DNAH5: variants seen among roughly 807,000 people sequenced by gnomAD.
The protein encoded by DNAH5 is axonemal beta dynein heavy chain 5.
A neutral mutation model predicts 518.2 loss-of-function variants in DNAH5; 372 were observed. That is an observed-to-expected ratio of 0.72 (90% CI 0.66 to 0.78). The LOEUF is 0.78. Among genes scored for constraint, DNAH5 ranks in the 30% least tolerant of loss-of-function variants. DNAH5 has a pLI of 0.00. For synonymous variants in DNAH5, 2,039 were observed against 2,025.9 expected (o/e 1.01, Z -0.17); for missense variants, 5,523 against 5,687.0 (o/e 0.97, Z 0.93).
intron 22 of DNAH5, among the ~76,000 whole-genome samples, chr5:13,873,753 G>A (rs929438363): frequency 3.3e-5 from 5 of 151,684 alleles, no homozygotes; most frequent in South Asian, 2.1e-4. Context: ...CTCTCATCTC[G>A]GCCTCCTAAA....
rs1579839274 is a variant in DNAH5 at position 13,707,690 on chromosome 5, T to A, written c.13338+433A>T. On this transcript the variant is annotated intron_variant, in intron 76 of 78. Coordinates refer to ENST00000265104, the MANE Select transcript of DNAH5 (RefSeq NM_001369.3). The surrounding 1 kb of genome is among the most constrained non-coding windows in gnomAD (Gnocchi z 4.0). ...ACAGCATGTAGCAGAAACTTTATTT[T>A]TTTTTTCCTTTTGGTGTGACTTTTG... 6.6e-6 allele frequency among the ~76,000 whole-genome samples: 1 copy of A among 152,136 alleles called. No individual in the cohort carries two copies. The highest frequency in any genetic ancestry group is 1.9e-4 in the East Asian group (1 of 5,168).
chr5:13,846,705 G>A (rs900323461), intron 31 of DNAH5, among the ~76,000 whole-genome samples: 2 of 152,118 alleles, frequency 1.3e-5, no homozygotes, highest in Admixed American at 1.3e-4. Context: ...GATAAGCCTG[G>A]GCATGTGGGT....
chr5:13,776,980 G>A (rs1190778052), intron 54 of DNAH5, among the ~76,000 whole-genome samples: 2 of 151,920 alleles, frequency 1.3e-5, no homozygotes, highest in African/African-American at 2.4e-5. Flanking sequence ...TTTTTCATTT[G>A]TTATTGGAAC....
intron 24 of DNAH5, among the ~76,000 whole-genome samples, chr5:13,870,339 T>G (rs1667560813): frequency 6.6e-6 from 1 of 152,162 alleles, no homozygotes; most frequent in African/African-American, 2.4e-5. Flanking sequence ...AGCCTTCTCA[T>G]GGGGAGGTTA....
At chr5:13,754,390 C>G (rs760736172) in intron 61 of DNAH5, 52 bp from the exon 62 acceptor site, 1 of 1,606,470 alleles carries the variant, frequency 6.2e-7, no homozygotes, top group South Asian at 1.1e-5. Context: ...AACATAGCCA[C>G]TGGCTCAAAA....
Position 13,976,286 on chromosome 5 carries a change from G to T in DNAH5, c.12+35362C>A, listed in dbSNP as rs910701177. On this transcript the variant is annotated intron_variant, in intron 1 of 78. Transcript: ENST00000681290. ...TTTCCTCAGTTGCCTGCAGCCAACA[G>T]TTGTCCAAAAATATTAAATGGAAAA... Among the ~76,000 whole-genome samples the T allele has an allele frequency of 5.9e-5, 9 of 152,280 alleles. No individual in the cohort carries two copies. The East Asian group carries it at 1.2e-3, about 20-fold the overall frequency.
rs147631323 is a variant in DNAH5, at chr5:13,961,718, C to A, written c.13-30474G>T. Among the ~76,000 whole-genome samples the A allele has an allele frequency of 4.2e-4, 64 of 152,200 alleles. No individual in the cohort carries two copies. The East Asian group carries it at 0.012, about 29-fold the overall frequency. The stretch of plus-strand genomic sequence containing the variant: ...GTCCAAAGCCCACGGACAAAATGAT[C>A]CCATCTTCACTACACAGCATTATGA... On this transcript the variant is annotated intron_variant, in intron 1 of 78. Transcript: ENST00000681290.
rs1328708769 is a variant in DNAH5, at chr5:13,859,615, G to A, written c.4797-10C>T. 1 of 1,613,200 alleles carries A rather than the reference G, an allele frequency of 6.2e-7. No individual in the cohort carries two copies. Among genetic ancestry groups the A allele is most frequent in the Non-Finnish European group, 8.5e-7 (1 of 1,179,272 alleles). ...GAATGGCATATTGTACCTAAAATAAGAAATAGGTTTAGGGTTTGGTTTTGT... is the reference window on the plus strand; with the variant it reads ...GAATGGCATATTGTACCTAAAATAAAAAATAGGTTTAGGGTTTGGTTTTGT... On this transcript the variant is annotated splice_polypyrimidine_tract_variant and intron_variant, in intron 29 of 78. Coordinates refer to ENST00000265104, the MANE Select transcript of DNAH5 (RefSeq NM_001369.3).
chr5:13,705,721 C>T (rs58013641), intron 76 of DNAH5, among the ~76,000 whole-genome samples: 2 of 152,114 alleles, frequency 1.3e-5, no homozygotes, highest in South Asian at 4.1e-4. Context: ...AAGGCATAAG[C>T]GTGACCCTAA....
chr5:13,758,939 C>G lies in DNAH5; in HGVS notation c.10326G>C (p.Gln3442His). The G allele has an allele frequency of 6.8e-6, 11 of 1,614,178 alleles. No individual in the cohort carries two copies. Among genetic ancestry groups the G allele is most frequent in the Non-Finnish European group, 9.3e-6 (11 of 1,180,020 alleles). Reference sequence around the variant, plus strand: ...ACTCGGCCTGGGCTTTCTGCAGATCCTGCATGGCCAGGAGATGGCGATTCT... The same window carrying G: ...ACTCGGCCTGGGCTTTCTGCAGATCGTGCATGGCCAGGAGATGGCGATTCT... ...VQENRHLLAM[Q>H]DLQKAQAELD... is the part of the protein sequence containing the mutation. Residue 3442 changes from glutamine to histidine, a missense_variant, in exon 61 of 79, where the codon CAG (glutamine) becomes CAC (histidine). Gln to His is a conservative substitution (Grantham distance 24). This residue lies in a region of DNAH5 where 5,121 missense variants were observed against 5,223.3 expected (regional missense o/e 0.98). Coordinates refer to ENST00000265104, the MANE Select transcript of DNAH5 (RefSeq NM_001369.3).
intron 78 of DNAH5, among the ~76,000 whole-genome samples, chr5:13,694,513 G>A (rs1286824999): frequency 6.6e-6 from 1 of 152,154 alleles, no homozygotes; most frequent in African/African-American, 2.4e-5. Flanking sequence ...AAGCCTTAGG[G>A]TTCCAGAAGG....
intron 65 of DNAH5, among the ~76,000 whole-genome samples, chr5:13,739,408 G>A (rs79799958): frequency 2.3e-4 from 35 of 152,066 alleles, no homozygotes; most frequent in Non-Finnish European, 4.9e-4. Context: ...TGTGAAGAAG[G>A]TCCCTGCTTC....
intron 63 of DNAH5, among the ~76,000 whole-genome samples, chr5:13,752,790 T>C (rs1045192860): frequency 6.6e-6 from 1 of 152,246 alleles, no homozygotes; most frequent in Non-Finnish European, 1.5e-5. Context: ...GAAGTGTAAC[T>C]GTTTCCATTG....
Position 13,864,445 on chromosome 5 carries a change from T to A in DNAH5, c.4548A>T (p.Leu1516Phe). The change falls in exon 28 of 79, where the codon TTA becomes TTT. Residue 1516 changes from leucine (L) to phenylalanine (F), a missense_variant. Physicochemically the swap from Leu to Phe is conservative, Grantham distance 22 (BLOSUM62 0). Transcript: ENST00000265104. ...GAAGAGGTGCCTCCATGATATTTCTTAACTTAAAGCTTTCATTCCCCACAT... is the reference window on the plus strand; with the variant it reads ...GAAGAGGTGCCTCCATGATATTTCTAAACTTAAAGCTTTCATTCCCCACAT... ...SLDVGNESFK[L>F]RNIMEAPLLK... The A allele has an allele frequency of 6.2e-7, 1 of 1,614,172 alleles. No individual in the cohort carries two copies. Among genetic ancestry groups the A allele is most frequent in the Non-Finnish European group, 8.5e-7 (1 of 1,180,010 alleles).
intron 46 of DNAH5, among the ~76,000 whole-genome samples, chr5:13,808,211 C>G (rs2127000425): frequency 8.1e-6 from 1 of 124,132 alleles, no homozygotes; most frequent in African/African-American, 3.2e-5. Flanking sequence ...ACCTGGGTGA[C>G]AGAGACTCCA....
In DNAH5 at chr5:13,776,568, G is replaced by T. The variant is rs147372600; in HGVS notation, c.9244C>A (p.Leu3082Ile). ...GGCGAGAAGCAGAGCACAATATGAA[G>T]GTTCTGTCGGACCCGACTCATGAAG... ...DYFMSRVRQN[L>I]HIVLCFSPVG... is the part of the protein sequence containing the mutation. The change falls in exon 55 of 79, where the codon CTT becomes ATT. Residue 3082 changes from leucine to isoleucine, a missense_variant. Physicochemically the swap from Leu to Ile is conservative, Grantham distance 5. Coordinates refer to ENST00000265104, the MANE Select transcript of DNAH5 (RefSeq NM_001369.3). 620 of 1,613,940 alleles carry T rather than the reference G, an allele frequency of 3.8e-4. 1 individual carries two copies. The African/African-American group carries it at 5.4e-3, about 14-fold the overall frequency.
At chr5:13,748,689 T>C (rs566751846) in intron 65 of DNAH5, among the ~76,000 whole-genome samples, 29 of 152,288 alleles carry the variant, frequency 1.9e-4, no homozygotes, top group African/African-American at 7.0e-4. Context: ...TTGCCTGTTA[T>C]TGGTGTATAA....
Position 13,810,251 on chromosome 5 carries a change from C to A in DNAH5, c.7417G>T (p.Gly2473Trp). 6.4e-7 allele frequency: 1 copy of A among 1,550,466 alleles called. No individual in the cohort carries two copies. Among genetic ancestry groups the A allele is most frequent in the South Asian group, 1.2e-5 (1 of 84,088 alleles). The change falls in exon 45 of 79, where the codon GGG (glycine) becomes TGG (tryptophan). Residue 2473 changes from glycine (G) to tryptophan (W), a missense_variant. This residue lies in a region of DNAH5 where 5,121 missense variants were observed against 5,223.3 expected (regional missense o/e 0.98). Coordinates refer to ENST00000265104, the MANE Select transcript of DNAH5 (RefSeq NM_001369.3). ...CCCAGGTGAGCCTGGCTCACCTCCC[C>A]GCCTTGCTCCTGAGAAGGAAAGACA... ...QGLIPLKEQG[G>W]EVSQAHLGRL...
At chr5:13,976,710 T>TATATATATATATACAC (rs780402172) in intron 1 of DNAH5, among the ~76,000 whole-genome samples, 9 of 133,100 alleles carry the variant, frequency 6.8e-5, no homozygotes, top group African/African-American at 2.7e-4. Flanking sequence ...TATATATATA[T>TATATATATATATACAC]ACACACACAC....
Sources: allele counts gnomAD v4.1 joint callset (sites outside exome capture counted in the v4.1 genomes callset), GRCh38; gene constraint gnomAD v4.1.1; regional missense constraint gnomAD v4.1.1; non-coding constraint Gnocchi (gnomAD v3.1); transcripts MANE v1.5; gene names NCBI Gene and HGNC (gene_info 2026-07-23, HGNC 2026-07-21).